Variants in XCR1 observed in about 807,000 individuals in gnomAD.
XCR1 encodes chemokine XC receptor 1.
For missense variants in XCR1, 356 were observed against 424.2 expected (o/e 0.84, Z 1.41); for synonymous variants, 187 against 188.5 (o/e 0.99, Z 0.06).
intron 1 of XCR1, among the ~76,000 whole-genome samples, chr3:46,082,648 A>G (rs1278892111): frequency 7.4e-6 from 1 of 135,422 alleles, no homozygotes; most frequent in Non-Finnish European, 1.7e-5. Flanking sequence ...GCACCACCAC[A>G]CCCAGCTAAT....
chr3:46,048,537 G>C (rs1246895764), intron 5 of XCR1, among the ~76,000 whole-genome samples: 1 of 152,086 alleles, frequency 6.6e-6, no homozygotes, highest in Admixed American at 6.5e-5. Context: ...GAGGGACTGG[G>C]CCCATGGTTG....
At chr3:46,036,857 T>G (rs1014115195) in intron 5 of XCR1, among the ~76,000 whole-genome samples, 3 of 152,164 alleles carry the variant, frequency 2.0e-5, no homozygotes, top group Admixed American at 6.5e-5. Context: ...ACACCTGATA[T>G]TCACAGGTTA....
intron 5 of XCR1, among the ~76,000 whole-genome samples, chr3:46,051,198 C>T (rs987170978): frequency 6.6e-6 from 1 of 152,202 alleles, no homozygotes; most frequent in African/African-American, 2.4e-5. Context: ...CTTGTAGAAA[C>T]CTCCCCAAAC....
chr3:46,074,550 G>A (rs1311259913), intron 3 of XCR1, among the ~76,000 whole-genome samples: 1 of 151,860 alleles, frequency 6.6e-6, no homozygotes, highest in Non-Finnish European at 1.5e-5. Context: ...TACACTAGAA[G>A]CCAAGACGTC....
chr3:46,030,498 A>G (rs958579283), upstream of XCR1, among the ~76,000 whole-genome samples: 2 of 152,254 alleles, frequency 1.3e-5, no homozygotes, highest in African/African-American at 4.8e-5. Flanking sequence ...CTTTGAAATT[A>G]TGAAAAATAC....
At chr3:46,023,215 A>C in intron 1 of XCR1, 1 of 527,554 alleles carries the variant, frequency 1.9e-6, no homozygotes, top group Non-Finnish European at 3.3e-6. Context: ...CCCAGAGAGG[A>C]CGCGGCTGCG....
At chr3:46,074,963 A>C (rs1452000023) in intron 2 of XCR1, among the ~76,000 whole-genome samples, 2 of 152,222 alleles carry the variant, frequency 1.3e-5, no homozygotes, top group Non-Finnish European at 2.9e-5. Context: ...GTAACTACTA[A>C]GGACATTGAA....
intron 4 of XCR1, among the ~76,000 whole-genome samples, chr3:46,065,528 G>A (rs1213423095): frequency 6.6e-6 from 1 of 152,202 alleles, no homozygotes; most frequent in Non-Finnish European, 1.5e-5. Flanking sequence ...TTGATGTCGG[G>A]TGACAGTAAA....
chr3:46,064,270 G>C (rs1698020959), intron 4 of XCR1, among the ~76,000 whole-genome samples: 1 of 152,134 alleles, frequency 6.6e-6, no homozygotes, highest in Non-Finnish European at 1.5e-5. Flanking sequence ...GACTCTTTTA[G>C]ACTACAGTCT....
rs1708065669 is a variant in XCR1, at chr3:46,017,546, A to T, written c.*3400T>A. 6.6e-6 allele frequency: 1 copy of T among 152,236 alleles called. No individual in the cohort carries two copies. Among genetic ancestry groups the T allele is most frequent in the South Asian group, 2.1e-4 (1 of 4,832 alleles). 9.4% of individuals were successfully genotyped at this position (152,236 alleles called of 1,614,324 possible). A position where few individuals can be genotyped will look rare whatever the true frequency, so the allele number is the denominator to read the frequency against. On this transcript the variant is annotated 3_prime_UTR_variant, in exon 2 of 2. Transcript: ENST00000309285. ...AAGGCCAAAAGATGGTCTCCTGTTA[A>T]CTCACTCAACCAACCACAAACATTG...
chr3:46,080,486 A>G (rs1698338925), intron 1 of XCR1, among the ~76,000 whole-genome samples: 1 of 151,956 alleles, frequency 6.6e-6, no homozygotes, highest in African/African-American at 2.4e-5. Context: ...CTTTTGAACT[A>G]GGGAGGCGGA....
intron 5 of XCR1, among the ~76,000 whole-genome samples, chr3:46,046,458 G>A (rs1219165719): frequency 6.6e-6 from 1 of 152,218 alleles, no homozygotes; most frequent in African/African-American, 2.4e-5. Flanking sequence ...AAACCATCTG[G>A]CAGTGAGAGC....
chr3:46,037,842 T>C (rs1697462068), intron 5 of XCR1, among the ~76,000 whole-genome samples: 1 of 152,188 alleles, frequency 6.6e-6, no homozygotes, highest in Non-Finnish European at 1.5e-5. Context: ...TTCACATACA[T>C]GCTTGCATTG....
rs566743995 is a variant in XCR1, at chr3:46,022,815, A to G, written c.-31-837T>C. ...GACACAATCCAAAATTACTCAGCAT[A>G]TAAAGAAATAGGAAAACATGACCCA... On this transcript the variant is annotated intron_variant, in intron 1 of 1. Coordinates refer to ENST00000309285, the MANE Select transcript of XCR1 (RefSeq NM_001024644.2). Among the ~76,000 whole-genome samples the G allele has an allele frequency of 4.6e-5, 7 of 152,378 alleles. No individual in the cohort carries two copies. In the South Asian group the frequency reaches 1.4e-3, roughly 32 times the overall value.
upstream of XCR1, among the ~76,000 whole-genome samples, chr3:46,032,288 CA>C (rs1708411741): frequency 6.6e-6 from 1 of 152,206 alleles, no homozygotes; most frequent in Admixed American, 6.5e-5. Context: ...TGGTTCCTAG[CA>C]TCTCTAAGTC....
chr3:46,070,439 A>G (rs753233199), intron 3 of XCR1, among the ~76,000 whole-genome samples: 9 of 151,880 alleles, frequency 5.9e-5, no homozygotes, highest in African/African-American at 1.9e-4. Context: ...ATCTAGTAAT[A>G]TTTGTTTTAT....
At chr3:46,046,764 G>A (rs969082010) in intron 5 of XCR1, among the ~76,000 whole-genome samples, 2 of 152,188 alleles carry the variant, frequency 1.3e-5, no homozygotes, top group East Asian at 1.9e-4. Flanking sequence ...TCCAAGGGTT[G>A]AGGCTCTCCA....
intron 1 of XCR1, among the ~76,000 whole-genome samples, chr3:46,077,650 C>T (rs1164237839): frequency 1.3e-5 from 2 of 152,012 alleles, no homozygotes; most frequent in Non-Finnish European, 2.9e-5. Context: ...TTTTGGGGAC[C>T]ACTGCTGTAG....
intron 1 of XCR1, chr3:46,023,152 GC>G (rs1708194266): frequency 2.6e-6 from 1 of 388,672 alleles, no homozygotes; most frequent in African/African-American, 2.1e-5. Flanking sequence ...CAGGGGGCGG[GC>G]CCGTGGCGCG....
Sources: allele counts gnomAD v4.1 joint callset (sites outside exome capture counted in the v4.1 genomes callset), GRCh38; gene constraint gnomAD v4.1.1; transcripts MANE v1.5; gene names NCBI Gene and HGNC (gene_info 2026-07-23, HGNC 2026-07-21).